TOP3B: variants seen among roughly 807,000 people sequenced by gnomAD.
The protein encoded by TOP3B is DNA topoisomerase III beta.
In TOP3B, 45 loss-of-function variants were observed where a neutral mutation model predicts 93.9. The ratio of observed to expected loss-of-function variants is 0.48; its 90% CI spans 0.38 to 0.61. The LOEUF is 0.61. Ranked by LOEUF, TOP3B falls within the 20% of genes least tolerant of loss-of-function variation. TOP3B has a pLI of 0.00. For synonymous variants in TOP3B, 357 were observed against 472.6 expected, an observed-to-expected ratio of 0.76 and a Z score of 3.17; for missense variants, 750 against 1,156.1, an observed-to-expected ratio of 0.65 and a Z score of 5.09.
chr22:21,982,248 T>TCA (rs1387199700), intron 1 of TOP3B: 1 of 152,180 alleles, frequency 6.6e-6, no homozygotes, highest in Non-Finnish European at 1.5e-5. Flanking sequence ...GCTAATTTGT[T>TCA]CACAAAAGTA....
intron 8 of TOP3B, chr22:21,967,391 G>C: frequency 1.8e-6 from 1 of 559,866 alleles, no homozygotes; most frequent in Non-Finnish European, 3.2e-6. Flanking sequence ...GGTATGGAGC[G>C]GGCATGCAGT....
chr22:21,964,991 G>C (rs1412053655), intron 9 of TOP3B: 3 of 280,918 alleles, frequency 1.1e-5, no homozygotes, highest in Non-Finnish European at 2.0e-5. Flanking sequence ...AAGGAGAAAA[G>C]ACTGAGGAGA....
chr22:21,973,456 T>G (rs1262334431), intron 3 of TOP3B: 5 of 151,404 alleles, frequency 3.3e-5, no homozygotes, highest in African/African-American at 7.3e-5. Flanking sequence ...TTTTGTTTTT[T>G]TTTTTTTTTG....
At position 21,962,539 on chromosome 22, in the gene TOP3B, C is replaced by T. The variant is rs146766833; in HGVS notation, c.1415G>A (p.Arg472Gln). Reference protein sequence around the residue: ...PLEESLPTCQRGDAFPVGEVK... With the variant: ...PLEESLPTCQQGDAFPVGEVK... ...CTCGCCCACAGGGAAGGCATCACCC[C>T]GCTGGCAAGTGGGCAGGCTCTCCTC... Residue 472 changes from arginine (R) to glutamine (Q), a missense_variant, in exon 13 of 18, where the codon CGG (arginine) becomes CAG (glutamine). Around this residue, in one of 4 missense-constraint regions of TOP3B, gnomAD observed 737 missense variants for 933.7 expected, o/e 0.79. Coordinates refer to ENST00000357179, the MANE Select transcript of TOP3B (RefSeq NM_001282112.2). 3.9e-3 allele frequency: 6,359 copies of T among 1,613,680 alleles called. 24 individuals are homozygous for T. Among genetic ancestry groups the T allele is most frequent in the Non-Finnish European group, 5.1e-3 (6,054 of 1,180,034 alleles).
chr22:21,979,939 T>TC (rs1299263441), intron 1 of TOP3B, among the ~76,000 whole-genome samples: 147 of 61,330 alleles, frequency 2.4e-3, no homozygotes, highest in African/African-American at 9.9e-3. Context: ...AGACTCCATC[T>TC]CCAAAAAAAA....
chr22:21,971,143 G>A lies in TOP3B; in HGVS notation c.384+734C>T, dbSNP rs2071621271. ...CCCCAGGGAGGAGCCGCCCTGCAGG[G>A]GAGGAGAGGGTATCTGGGAAGAGAC... is the stretch of plus-strand genomic sequence containing the variant. On this transcript the variant is annotated intron_variant, in intron 5 of 17. Coordinates refer to ENST00000357179, the MANE Select transcript of TOP3B (RefSeq NM_001282112.2). This position sits in a 1 kb window ranked among gnomAD's most constrained non-coding sequence, Gnocchi z 4.6. 18 of 907,092 alleles carry A rather than the reference G, an allele frequency of 2.0e-5. No homozygotes were observed. The highest frequency in any genetic ancestry group is 2.6e-5 in the Non-Finnish European group (17 of 643,388). The allele number at this position is 907,092 out of a possible 1,614,324, so 56.2% of individuals were successfully genotyped here.
rs768550763 is a variant in TOP3B at position 21,964,266 on chromosome 22, T to G, written c.993A>C (p.Gln331His). Residue 331 changes from glutamine to histidine, a missense_variant, in exon 10 of 18, where the codon CAA becomes CAC. Gln to His is a conservative substitution (Grantham distance 24). This residue lies in a region of TOP3B where 737 missense variants were observed against 933.7 expected (regional missense o/e 0.79). Coordinates refer to ENST00000357179, the MANE Select transcript of TOP3B (RefSeq NM_001282112.2). ...AMQTAERLYT[Q>H]GYISYPRTET... ...CTGTCCGTGGGTAGCTGATGTAGCC[T>G]TGCGTGTAGAGCCGCTCAGCCGTCT... 133 of 1,614,016 alleles carry G rather than the reference T, an allele frequency of 8.2e-5. No homozygotes were observed. Among genetic ancestry groups the G allele is most frequent in the Middle Eastern group, 3.3e-4 (2 of 6,084 alleles).
rs1198285301 is a variant in TOP3B, at chr22:21,957,297, A to C, written c.2406T>G (p.Phe802Leu). The change falls in exon 18 of 18, where the codon TTT becomes TTG. Residue 802 changes from phenylalanine to leucine, a missense_variant. Around this residue, in one of 4 missense-constraint regions of TOP3B, gnomAD observed 13 missense variants for 58.8 expected, o/e 0.22. Coordinates refer to ENST00000357179, the MANE Select transcript of TOP3B (RefSeq NM_001282112.2). ...GDETQHMGCV[F>L]CDPVFQELVE... is the part of the protein sequence containing the mutation. ...CCAGCTCCTGGAAGACGGGGTCACA[A>C]AAGACGCAGCCCATGTGCTGCGTCT... 6.2e-7 allele frequency: 1 copy of C among 1,607,262 alleles called. No individual in the cohort carries two copies. The highest frequency in any genetic ancestry group is 8.5e-7 in the Non-Finnish European group (1 of 1,177,408).
At chr22:21,972,569 T>TG in intron 4 of TOP3B, 43 bp downstream of exon 4, 1 of 1,439,870 alleles carries the variant, frequency 6.9e-7, no homozygotes, top group Admixed American at 1.9e-5. Context: ...CTGTGGAGGG[T>TG]GGGGAGCCCC....
intron 3 of TOP3B, 30 bp downstream of exon 3, chr22:21,974,327 T>C (rs1256850134): frequency 6.2e-7 from 1 of 1,605,710 alleles, no homozygotes; most frequent in South Asian, 1.1e-5. Context: ...CAGAACTCCC[T>C]TCAGTAGGAT....
chr22:21,962,891 C>T lies in TOP3B; in HGVS notation c.1207G>A (p.Gly403Ser), dbSNP rs1453360365. The T allele has an allele frequency of 1.2e-6, 2 of 1,612,772 alleles. No individual in the cohort carries two copies. The highest frequency in any genetic ancestry group is 1.7e-6 in the Non-Finnish European group (2 of 1,179,224). The change falls in exon 12 of 18, where the codon GGT (glycine) becomes AGT (serine). Residue 403 changes from glycine to serine, a missense_variant and splice_region_variant. This residue lies in a region of TOP3B where 737 missense variants were observed against 933.7 expected (regional missense o/e 0.79). Coordinates refer to ENST00000357179, the MANE Select transcript of TOP3B (RefSeq NM_001282112.2). ...MKSATEAELG[G>S]DAWRLYEYIT... ...TACTCATAGAGCCGCCACGCGTCAC[C>T]CCCTGCAACAGGCCAGGGCTAGTCA... is the stretch of plus-strand genomic sequence containing the variant.
In TOP3B at chr22:21,962,620, G is replaced by C; in HGVS notation, c.1352-18C>G. 1 of 1,606,824 alleles carries C rather than the reference G, an allele frequency of 6.2e-7. No individual in the cohort carries two copies. The highest frequency in any genetic ancestry group is 8.5e-7 in the Non-Finnish European group (1 of 1,174,720). ...CGTGAAGCCTGGAGAGATATGCGCC[G>C]CCACTCAGGGTCCCCAGCCTGGGTG... On this transcript the variant is annotated intron_variant, in intron 12 of 17. Coordinates refer to ENST00000357179, the MANE Select transcript of TOP3B (RefSeq NM_001282112.2).
rs143909533 is a variant in TOP3B, at chr22:21,968,946, C to T, written c.582-171G>A. ...AGTGGGCATAGCCTTAGGGAGGATT[C>T]ATGTGTGTACATGGGTGACAGAGCC... is the stretch of plus-strand genomic sequence containing the variant. On this transcript the variant is annotated intron_variant, in intron 6 of 17. Coordinates refer to ENST00000357179, the MANE Select transcript of TOP3B (RefSeq NM_001282112.2). The T allele has an allele frequency of 1.1e-5, 7 of 637,010 alleles. No homozygotes were observed. The Admixed American group carries it at 1.7e-4, about 15-fold the overall frequency. The allele number at this position is 637,010 out of a possible 1,614,324, so 39.5% of individuals were successfully genotyped here.
At chr22:21,977,640 G>A (rs1172786081) in intron 1 of TOP3B, 1 of 151,428 alleles carries the variant, frequency 6.6e-6, no homozygotes, top group Non-Finnish European at 1.5e-5. Context: ...CAATGAGCTT[G>A]TGCTTATCAC....
At chr22:21,977,054 T>C (rs1359399428) in intron 1 of TOP3B, 2 of 152,252 alleles carry the variant, frequency 1.3e-5, no homozygotes, top group Middle Eastern at 3.4e-3. Flanking sequence ...CACATGCCTA[T>C]AGTGTCAGCC....
chr22:21,972,963 C>T (rs938653040), intron 3 of TOP3B: 9 of 499,600 alleles, frequency 1.8e-5, no homozygotes, highest in African/African-American at 6.0e-5. Context: ...CGGCCAACCA[C>T]AGGAGCCAAG....
At chr22:21,972,980 C>T (rs2071705317) in intron 3 of TOP3B, 2 of 472,742 alleles carry the variant, frequency 4.2e-6, no homozygotes, top group South Asian at 4.1e-5. Context: ...CAAGCAAGCT[C>T]TCGGGGGGCT....
chr22:21,980,167 G>T (rs1399941232), intron 1 of TOP3B, among the ~76,000 whole-genome samples: 1 of 152,138 alleles, frequency 6.6e-6, no homozygotes, highest in Non-Finnish European at 1.5e-5. Flanking sequence ...GATATGTCTG[G>T]ATGGAACGCA....
At chr22:21,973,629 C>G (rs1312757837) in intron 3 of TOP3B, 1 of 151,996 alleles carries the variant, frequency 6.6e-6, no homozygotes, top group Non-Finnish European at 1.5e-5. Flanking sequence ...AACTTGGGGT[C>G]CAAATGCTCA....
Sources: allele counts gnomAD v4.1 joint callset (sites outside exome capture counted in the v4.1 genomes callset), GRCh38; gene constraint gnomAD v4.1.1; regional missense constraint gnomAD v4.1.1; non-coding constraint Gnocchi (gnomAD v3.1); transcripts MANE v1.5; gene names NCBI Gene and HGNC (gene_info 2026-07-23, HGNC 2026-07-21).